Variants in ZNF385B observed in about 807,000 individuals in gnomAD.
ZNF385B encodes the protein zinc finger protein 385B.
Under a neutral mutation model 39.2 loss-of-function variants are expected in ZNF385B, and 23 were observed. That is an observed-to-expected ratio of 0.59 (90% CI 0.42 to 0.83). ZNF385B has a LOEUF of 0.83. ZNF385B is among the 40% of genes least tolerant of loss of function. The pLI is 0.00. For synonymous variants in ZNF385B, 205 were observed against 222.6 expected (o/e 0.92, Z 0.70); for missense variants, 552 against 598.9 (o/e 0.92, Z 0.82).
chr2:179,647,195 A>G (rs1692793087), intron 3 of ZNF385B, among the ~76,000 whole-genome samples: 1 of 152,218 alleles, frequency 6.6e-6, no homozygotes, highest in African/African-American at 2.4e-5. Context: ...AGAATCTAAC[A>G]AACCTTAATG....
chr2:179,650,727 A>G (rs1693122995), intron 3 of ZNF385B, among the ~76,000 whole-genome samples: 1 of 152,176 alleles, frequency 6.6e-6, no homozygotes, highest in Admixed American at 6.5e-5. Context: ...AGAAAAGCAA[A>G]TCAATAAGGT....
At chr2:179,697,144 G>A (rs1209295299) in intron 3 of ZNF385B, among the ~76,000 whole-genome samples, 2 of 152,196 alleles carry the variant, frequency 1.3e-5, no homozygotes, top group East Asian at 1.9e-4. Context: ...ATAAGCATAT[G>A]TGCCTTTTTT....
intron 1 of ZNF385B, among the ~76,000 whole-genome samples, chr2:179,799,915 G>A (rs1463445837): frequency 6.6e-6 from 1 of 152,086 alleles, no homozygotes; most frequent in Non-Finnish European, 1.5e-5. Flanking sequence ...TTTTGCCTGA[G>A]CAGAACTCAG....
At chr2:179,623,855 T>C (rs1242748993) in intron 3 of ZNF385B, among the ~76,000 whole-genome samples, 2 of 152,214 alleles carry the variant, frequency 1.3e-5, no homozygotes, top group Non-Finnish European at 2.9e-5. Context: ...CAACTAAACC[T>C]TCTGATTTTA....
At chr2:179,743,736 C>A (rs1702211003) in intron 3 of ZNF385B, among the ~76,000 whole-genome samples, 1 of 152,096 alleles carries the variant, frequency 6.6e-6, no homozygotes, top group African/African-American at 2.4e-5. Flanking sequence ...AGCACATTGA[C>A]AAATGCATTT....
Position 179,819,762 on chromosome 2 carries a change from G to T in ZNF385B, c.-155+41339C>A, listed in dbSNP as rs142232666. Among the ~76,000 whole-genome samples the T allele has an allele frequency of 2.9e-3, 441 of 152,178 alleles. 2 individuals are homozygous for T. Among genetic ancestry groups the T allele is most frequent in the African/African-American group, 0.01 (418 of 41,488 alleles). On this transcript the variant is annotated intron_variant, in intron 1 of 9. Transcript: ENST00000410066. Reference sequence around the variant, plus strand: ...TGGCCTCTCCTTTCTGGGAGGATGGGGAAAAGGTACATTTTAGTCCACAGC... The same window carrying T: ...TGGCCTCTCCTTTCTGGGAGGATGGTGAAAAGGTACATTTTAGTCCACAGC...
At chr2:179,586,249 G>T (rs1558946879) in intron 3 of ZNF385B, among the ~76,000 whole-genome samples, 1 of 152,066 alleles carries the variant, frequency 6.6e-6, no homozygotes, top group African/African-American at 2.4e-5. Context: ...TTCTTTTGGT[G>T]CCCCCAATGT....
chr2:179,795,225 G>C (rs1204997901), intron 1 of ZNF385B, among the ~76,000 whole-genome samples: 1 of 149,880 alleles, frequency 6.7e-6, no homozygotes, highest in Admixed American at 6.7e-5. Context: ...TAGTAGGTAA[G>C]AAAGCTTTAG....
intron 5 of ZNF385B, among the ~76,000 whole-genome samples, chr2:179,492,309 A>G (rs1369566044): frequency 6.6e-6 from 1 of 152,140 alleles, no homozygotes; most frequent in Non-Finnish European, 1.5e-5. Flanking sequence ...AATTTTTGTT[A>G]CTCAATGATA....
intron 3 of ZNF385B, among the ~76,000 whole-genome samples, chr2:179,643,559 C>T (rs1210685881): frequency 1.3e-5 from 2 of 152,040 alleles, no homozygotes; most frequent in Non-Finnish European, 2.9e-5. Flanking sequence ...TTTATACCTG[C>T]AAAAACAAGG....
intron 2 of ZNF385B, 73 bp from the exon 3 acceptor site, chr2:179,769,875 C>A (rs1703915007): frequency 7.0e-7 from 1 of 1,419,784 alleles, no homozygotes; most frequent in Non-Finnish European, 9.5e-7. Context: ...TACAATTAAT[C>A]TTTAAGGGTT....
intron 5 of ZNF385B, among the ~76,000 whole-genome samples, chr2:179,496,432 G>A (rs186349730): frequency 1.0e-3 from 155 of 152,214 alleles, no homozygotes; most frequent in African/African-American, 3.6e-3. Context: ...TTTATTCAAA[G>A]ACATAATAGC....
intron 1 of ZNF385B, among the ~76,000 whole-genome samples, chr2:179,801,053 T>C (rs929893991): frequency 1.3e-5 from 2 of 152,076 alleles, no homozygotes; most frequent in East Asian, 3.8e-4. Flanking sequence ...CACCTTCCAT[T>C]TGGTATCCCT....
intron 3 of ZNF385B, among the ~76,000 whole-genome samples, chr2:179,659,147 A>G (rs1023116116): frequency 7.9e-5 from 12 of 152,238 alleles, no homozygotes; most frequent in Admixed American, 7.2e-4. Context: ...TAGTGTTCAC[A>G]ACTGTTCGAA....
chr2:179,443,102 T>C lies in ZNF385B; in HGVS notation c.*148A>G, dbSNP rs2049106936. The C allele has an allele frequency of 2.4e-6, 2 of 841,232 alleles. No homozygotes were observed. The highest frequency in any genetic ancestry group is 3.9e-6 in the Non-Finnish European group (2 of 510,516). The allele number at this position is 841,232 out of a possible 1,614,324, so 52.1% of individuals were successfully genotyped here. A position where few individuals can be genotyped will look rare whatever the true frequency, so the allele number is the denominator to read the frequency against. ...AGCCCTCGTCAATCTAGTGATGTGT[T>C]TCTCTCTGGAATTGGGGGACTGGGT... is the stretch of plus-strand genomic sequence containing the variant. On this transcript the variant is annotated 3_prime_UTR_variant, in exon 10 of 10. Transcript: ENST00000410066.
chr2:179,446,405 C>A lies in ZNF385B; in HGVS notation c.961+120G>T, dbSNP rs192394164. On this transcript the variant is annotated intron_variant, in intron 7 of 9. Transcript: ENST00000410066. ...CTTTTCTAAAATCACTCCTTTGAAT[C>A]AAAAAAGTAGAGAAGCATGGAACAA... 6.6e-4 allele frequency: 902 copies of A among 1,374,338 alleles called. 8 individuals are homozygous for A. In the East Asian group the frequency reaches 0.02, roughly 30 times the overall value. The allele number at this position is 1,374,338 out of a possible 1,614,324, so 85.1% of individuals were successfully genotyped here.
At chr2:179,493,692 T>TGC (rs2055670707) in intron 5 of ZNF385B, among the ~76,000 whole-genome samples, 3 of 115,036 alleles carry the variant, frequency 2.6e-5, no homozygotes, top group South Asian at 2.7e-4. Flanking sequence ...TATACACATA[T>TGC]ATACATATAT....
chr2:179,768,602 G>A (rs563551009), intron 3 of ZNF385B, among the ~76,000 whole-genome samples: 1 of 152,292 alleles, frequency 6.6e-6, no homozygotes, highest in East Asian at 1.9e-4. Flanking sequence ...GCAAACCCTT[G>A]CTAGAGTAGA....
chr2:179,841,302 G>A (rs748662242), intron 1 of ZNF385B, among the ~76,000 whole-genome samples: 4 of 152,184 alleles, frequency 2.6e-5, no homozygotes, highest in African/African-American at 4.8e-5. Flanking sequence ...TTGACATTAA[G>A]TGGAGAGTTT....
Sources: allele counts gnomAD v4.1 joint callset (sites outside exome capture counted in the v4.1 genomes callset), GRCh38; gene constraint gnomAD v4.1.1; transcripts MANE v1.5; gene names NCBI Gene and HGNC (gene_info 2026-07-23, HGNC 2026-07-21).